The following SGCZ variants were observed in gnomAD, a reference collection of about 807,000 sequenced individuals.
SGCZ encodes zeta-sarcoglycan.
A neutral mutation model predicts 41.3 loss-of-function variants in SGCZ; 40 were observed. The ratio of observed to expected loss-of-function variants is 0.97; its 90% CI spans 0.75 to 1.26. The LOEUF (loss-of-function observed/expected upper bound fraction) is 1.26. Among genes scored for constraint, SGCZ ranks in the 50% most tolerant of loss-of-function variants. The probability of loss-of-function intolerance (pLI) is 0.00; values close to 1 mark genes in which losing one functional copy is unlikely to be tolerated. For missense variants in SGCZ, 552 were observed against 369.8 expected (o/e 1.49, Z -4.04); for synonymous variants, 206 against 137.5 (o/e 1.50, Z -3.49).
At chr8:14,285,992 GATTT>G (rs1452669090) in intron 3 of SGCZ, among the ~76,000 whole-genome samples, 1 of 152,002 alleles carries the variant, frequency 6.6e-6, no homozygotes, top group African/African-American at 2.4e-5. Flanking sequence ...CTAAAAGAAA[GATTT>G]ATTATCAGGA....
At chr8:14,147,215 C>G (rs1020492522) in intron 5 of SGCZ, among the ~76,000 whole-genome samples, 1 of 151,844 alleles carries the variant, frequency 6.6e-6, no homozygotes, top group African/African-American at 2.4e-5. Context: ...GAAGAGATCA[C>G]AAAACAACCA....
intron 1 of SGCZ, among the ~76,000 whole-genome samples, chr8:14,762,431 A>G (rs998838519): frequency 2.0e-5 from 3 of 152,222 alleles, no homozygotes; most frequent in African/African-American, 7.2e-5. Context: ...TGAAATGGAA[A>G]TAATAATTCC....
At chr8:14,378,343 C>T (rs1804218871) in intron 2 of SGCZ, among the ~76,000 whole-genome samples, 1 of 152,138 alleles carries the variant, frequency 6.6e-6, no homozygotes, top group Non-Finnish European at 1.5e-5. Context: ...AAAACCTAGG[C>T]AATACCATTC....
chr8:14,521,653 T>G (rs535339116), intron 2 of SGCZ, among the ~76,000 whole-genome samples: 8 of 152,132 alleles, frequency 5.3e-5, no homozygotes, highest in South Asian at 2.1e-4. Context: ...CAAGGATAAA[T>G]GCCCAGATGT....
intron 2 of SGCZ, among the ~76,000 whole-genome samples, chr8:14,356,913 A>C (rs1427975284): frequency 6.6e-6 from 1 of 152,070 alleles, no homozygotes; most frequent in African/African-American, 2.4e-5. Context: ...AATAAGTATT[A>C]TAATTTTGGC....
chr8:14,449,548 G>C (rs1008782875), intron 2 of SGCZ, among the ~76,000 whole-genome samples: 9 of 152,054 alleles, frequency 5.9e-5, no homozygotes, highest in African/African-American at 2.2e-4. Flanking sequence ...GATATACTAA[G>C]GCTTTATATC....
At chr8:14,257,559 T>G (rs28673805) in intron 3 of SGCZ, among the ~76,000 whole-genome samples, 17,751 of 151,194 alleles carry the variant, frequency 0.12, 1,164 homozygotes, top group Middle Eastern at 0.17. Flanking sequence ...TGTATACATG[T>G]GCCATGTTGG....
At chr8:15,042,860 G>C (rs1302930006) in intron 1 of SGCZ, among the ~76,000 whole-genome samples, 1 of 152,074 alleles carries the variant, frequency 6.6e-6, no homozygotes, top group African/African-American at 2.4e-5. Flanking sequence ...GAAAAAGATG[G>C]GAATGTGGCT....
chr8:14,928,042 G>C (rs1163816241), intron 1 of SGCZ, among the ~76,000 whole-genome samples: 1 of 152,176 alleles, frequency 6.6e-6, no homozygotes, highest in Non-Finnish European at 1.5e-5. Flanking sequence ...GCATCTGCCA[G>C]AGGCCTCTGC....
At chr8:14,858,344 G>C (rs1803610400) in intron 1 of SGCZ, among the ~76,000 whole-genome samples, 2 of 151,962 alleles carry the variant, frequency 1.3e-5, no homozygotes, top group Non-Finnish European at 2.9e-5. Context: ...ATTCCAATTA[G>C]TAAGAAGAGT....
chr8:14,788,270 T>G (rs1225990132), intron 1 of SGCZ, among the ~76,000 whole-genome samples: 1 of 152,194 alleles, frequency 6.6e-6, no homozygotes, highest in Non-Finnish European at 1.5e-5. Flanking sequence ...AATTTCATTA[T>G]TATTTCCAGA....
chr8:14,929,132 G>C (rs148391356), intron 1 of SGCZ, among the ~76,000 whole-genome samples: 7,293 of 152,030 alleles, frequency 0.048, 238 homozygotes, highest in South Asian at 0.078. Context: ...GCTGGGACTA[G>C]AAGCGTGCAC....
chr8:14,576,005 T>C (rs575131888), intron 1 of SGCZ, among the ~76,000 whole-genome samples: 2 of 151,644 alleles, frequency 1.3e-5, no homozygotes, highest in African/African-American at 4.8e-5. Context: ...TCACAAAATA[T>C]GTTAAATGAG....
rs566122630 is a variant in SGCZ, at chr8:15,195,974, T to C, written c.39+41611A>G. Among the ~76,000 whole-genome samples the C allele has an allele frequency of 5.1e-5, 7 of 137,760 alleles. 2 individuals carry two copies. The highest frequency in any genetic ancestry group is 1.1e-4 in the Non-Finnish European group (7 of 65,132). 90.4% of individuals were successfully genotyped at this position (137,760 alleles called of 152,430 possible). ...GTGCAGTGGCGCGATCTTGGCTCAC[T>C]GCAAGCTCCGCCTCCCGGGTTCACG... On this transcript the variant is annotated intron_variant, in intron 1 of 7. Transcript: ENST00000382080.
chr8:14,987,238 T>C (rs781072157), intron 1 of SGCZ, among the ~76,000 whole-genome samples: 2 of 151,918 alleles, frequency 1.3e-5, no homozygotes, highest in African/African-American at 4.8e-5. Context: ...GAATGAAATA[T>C]ACTGTATAAA....
chr8:14,153,552 G>A (rs1803778342), intron 5 of SGCZ, among the ~76,000 whole-genome samples: 1 of 152,086 alleles, frequency 6.6e-6, no homozygotes, highest in South Asian at 2.1e-4. Flanking sequence ...AAATAAAATG[G>A]ACCCAAACTT....
intron 2 of SGCZ, among the ~76,000 whole-genome samples, chr8:14,410,778 T>C (rs1016786097): frequency 2.0e-5 from 3 of 152,028 alleles, no homozygotes; most frequent in South Asian, 2.1e-4. Flanking sequence ...AAGTAAAATA[T>C]ACAAAAACCA....
At chr8:14,297,629 A>T (rs1172866060) in intron 3 of SGCZ, among the ~76,000 whole-genome samples, 2 of 152,064 alleles carry the variant, frequency 1.3e-5, no homozygotes, top group Non-Finnish European at 1.5e-5. Context: ...TTTCATGTAC[A>T]TAAATGAATC....
intron 1 of SGCZ, among the ~76,000 whole-genome samples, chr8:14,802,689 C>T (rs942748776): frequency 6.6e-6 from 1 of 152,114 alleles, no homozygotes; most frequent in Admixed American, 6.5e-5. Context: ...ATATACAAAA[C>T]ATTGCTTATT....
Sources: gnomAD v4.1 joint callset for allele counts (sites outside exome capture counted in the v4.1 genomes callset) on GRCh38, gnomAD v4.1.1 for gene constraint, MANE v1.5 for transcripts, NCBI Gene and HGNC (gene_info 2026-07-23, HGNC 2026-07-21) for gene names.